Variants in PRKCH observed in about 807,000 individuals in gnomAD.
PRKCH encodes protein kinase C eta.
In PRKCH, 28 loss-of-function variants were observed where a neutral mutation model predicts 82.5. The ratio of observed to expected loss-of-function variants is 0.34; its 90% CI spans 0.25 to 0.47. The LOEUF (loss-of-function observed/expected upper bound fraction) is 0.47, where lower values mean the gene tolerates loss of function less well. Ranked by LOEUF, PRKCH falls within the 20% of genes least tolerant of loss-of-function variation. The pLI, the probability that PRKCH is intolerant of heterozygous loss-of-function variation, is 1.00. For missense variants in PRKCH, 705 were observed against 881.8 expected (o/e 0.80, Z 2.54); for synonymous variants, 322 against 327.4 (o/e 0.98, Z 0.18).
At chr14:61,394,637 A>G (rs925317162) in intron 2 of PRKCH, among the ~76,000 whole-genome samples, 2 of 152,214 alleles carry the variant, frequency 1.3e-5, no homozygotes, top group African/African-American at 4.8e-5. Flanking sequence ...TTTTAGAGCC[A>G]TGCCAACTCT....
chr14:61,491,304 A>G (rs1886441377), intron 10 of PRKCH, among the ~76,000 whole-genome samples: 1 of 152,234 alleles, frequency 6.6e-6, no homozygotes, highest in Non-Finnish European at 1.5e-5. Context: ...TGCTGCAAGA[A>G]GTAGGTCTCT....
At chr14:61,484,850 CCTTTA>C (rs1458217381) in intron 9 of PRKCH, among the ~76,000 whole-genome samples, 2 of 148,110 alleles carry the variant, frequency 1.4e-5, no homozygotes, top group African/African-American at 5.1e-5. Flanking sequence ...CTCATTGCAG[CCTTTA>C]CTTCCCGGGC....
intron 1 of PRKCH, among the ~76,000 whole-genome samples, chr14:61,315,240 C>A (rs2045553255): frequency 6.6e-6 from 1 of 152,028 alleles, no homozygotes; most frequent in African/African-American, 2.4e-5. Context: ...TCAGTCTTCC[C>A]CTTTGTACTC....
chr14:61,301,502 T>C (rs1188266440), intron 1 of PRKCH, among the ~76,000 whole-genome samples: 1 of 152,238 alleles, frequency 6.6e-6, no homozygotes, highest in Non-Finnish European at 1.5e-5. Flanking sequence ...GTCATAGTTT[T>C]TGGCATGCAA....
At chr14:61,315,691 AT>A (rs1157921098) in intron 1 of PRKCH, among the ~76,000 whole-genome samples, 1 of 148,962 alleles carries the variant, frequency 6.7e-6, no homozygotes, top group Non-Finnish European at 1.5e-5. Flanking sequence ...TTGTATACAT[AT>A]TTTTTGTACT....
chr14:61,509,967 T>TGGAG (rs2139970595), intron 10 of PRKCH, among the ~76,000 whole-genome samples: 1 of 152,154 alleles, frequency 6.6e-6, no homozygotes, highest in Non-Finnish European at 1.5e-5. Flanking sequence ...AGAGGTTCAG[T>TGGAG]GGAGGCCTTG....
At chr14:61,348,626 G>A (rs2046028868) in intron 1 of PRKCH, among the ~76,000 whole-genome samples, 1 of 152,220 alleles carries the variant, frequency 6.6e-6, no homozygotes, top group Non-Finnish European at 1.5e-5. Flanking sequence ...ACCTTGGTAT[G>A]TAATTTCTGT....
intron 7 of PRKCH, among the ~76,000 whole-genome samples, chr14:61,455,983 A>C (rs1376904575): frequency 1.3e-5 from 2 of 152,106 alleles, no homozygotes; most frequent in African/African-American, 4.8e-5. Context: ...TGTAGACGGT[A>C]AGTTGGCTGT....
intron 1 of PRKCH, among the ~76,000 whole-genome samples, chr14:61,308,432 ACTTC>A (rs2045498035): frequency 6.6e-6 from 1 of 151,974 alleles, no homozygotes; most frequent in South Asian, 2.1e-4. Context: ...TCCTTTGTTG[ACTTC>A]CTTTCTCCTG....
intron 1 of PRKCH, among the ~76,000 whole-genome samples, chr14:61,233,914 A>T (rs1246583094): frequency 6.6e-6 from 1 of 152,144 alleles, no homozygotes; most frequent in Non-Finnish European, 1.5e-5. Context: ...GTTTTCCCTT[A>T]TTCCATAACC....
intron 6 of PRKCH, 75 bp downstream of exon 6, chr14:61,451,046 T>A: frequency 2.0e-6 from 3 of 1,512,910 alleles, no homozygotes; most frequent in Non-Finnish European, 2.7e-6. Flanking sequence ...TTCTGTGGAC[T>A]CAGAATCTGT....
intron 2 of PRKCH, among the ~76,000 whole-genome samples, chr14:61,441,815 C>T (rs1047037907): frequency 6.7e-6 from 1 of 150,238 alleles, no homozygotes. Context: ...TTTATTATCC[C>T]TTTAAAAAAA....
chr14:61,276,224 GA>G (rs939729636), intron 1 of PRKCH, among the ~76,000 whole-genome samples: 10 of 149,196 alleles, frequency 6.7e-5, no homozygotes, highest in Non-Finnish European at 8.9e-5. Flanking sequence ...TTTTCCTGGG[GA>G]AAAAAAAATT....
chr14:61,247,301 T>A (rs2140070292), intron 1 of PRKCH, among the ~76,000 whole-genome samples: 1 of 152,094 alleles, frequency 6.6e-6, no homozygotes, highest in East Asian at 1.9e-4. Context: ...GAACACAACG[T>A]ATACAGATAC....
At chr14:61,478,259 A>T (rs1886462) in intron 9 of PRKCH, among the ~76,000 whole-genome samples, 122,943 of 152,144 alleles carry the variant, frequency 0.81, 51,747 homozygotes, top group Non-Finnish European at 0.92. Context: ...ATTTTGCAGA[A>T]GTGAGTTTTG....
chr14:61,457,259 C>A lies in PRKCH; in HGVS notation c.1044C>A (p.Asn348Lys). ...EGNGIGVNSS[N>K]RLGIDNFEFI... ...ATGGGATTGGGGTTAATTCTTCCAA[C>A]CGACTTGGTATCGACAACTTTGAGT... The change falls in exon 8 of 14, where the codon AAC becomes AAA. Residue 348 changes from asparagine to lysine, a missense_variant. Transcript: ENST00000332981. The A allele has an allele frequency of 6.2e-7, 1 of 1,614,184 alleles. No individual in the cohort carries two copies. The highest frequency in any genetic ancestry group is 2.2e-5 in the East Asian group (1 of 44,880).
intron 10 of PRKCH, among the ~76,000 whole-genome samples, chr14:61,517,653 A>G (rs1165971627): frequency 6.6e-6 from 1 of 152,198 alleles, no homozygotes; most frequent in Non-Finnish European, 1.5e-5. Context: ...GTTTCACTCT[A>G]TGAACTCGTT....
chr14:61,324,424 C>T (rs557238482), intron 1 of PRKCH, among the ~76,000 whole-genome samples: 2 of 152,010 alleles, frequency 1.3e-5, no homozygotes, highest in African/African-American at 4.8e-5. Flanking sequence ...GTTTTTCATG[C>T]GTTTGCATGC....
intron 1 of PRKCH, among the ~76,000 whole-genome samples, chr14:61,323,524 T>C (rs764326944): frequency 2.6e-5 from 4 of 152,182 alleles, no homozygotes; most frequent in Non-Finnish European, 4.4e-5. Flanking sequence ...GTATTGAAAA[T>C]GTTTGAAATT....
Sources: gnomAD v4.1 joint callset for allele counts (sites outside exome capture counted in the v4.1 genomes callset) on GRCh38, gnomAD v4.1.1 for gene constraint, MANE v1.5 for transcripts, NCBI Gene and HGNC (gene_info 2026-07-23, HGNC 2026-07-21) for gene names.